Variants in C6orf62 observed in about 807,000 individuals in gnomAD.
C6orf62 encodes uncharacterized protein C6orf62.
A neutral mutation model predicts 26.8 loss-of-function variants in C6orf62; 16 were observed. The observed-to-expected ratio is 0.60, with a 90% CI of 0.40 to 0.91. C6orf62 has a LOEUF of 0.91. C6orf62 is among the 40% of genes least tolerant of loss of function. C6orf62 has a pLI of 0.00. For synonymous variants in C6orf62, 112 were observed against 91.5 expected, an observed-to-expected ratio of 1.22 and a Z score of -1.28; for missense variants, 192 against 271.4, an observed-to-expected ratio of 0.71 and a Z score of 2.06.
At chr6:24,720,273 C>CGGCGGCGGAAGA, upstream of C6orf62, 4 of 1,288,178 alleles carry the variant, frequency 3.1e-6, no homozygotes, top group Non-Finnish European at 3.9e-6. Flanking sequence ...GGAGCGGTGG[C>CGGCGGCGGAAGA]GGCGGCGGAA....
Position 24,705,958 on chromosome 6 carries a change from T to G in C6orf62, c.*179A>C. ...CAGTCCGTGCACGACATCTAATTTT[T>G]GTTTAAGTTCTGAGATAAAAATGAT... On this transcript the variant is annotated 3_prime_UTR_variant, in exon 5 of 5. Coordinates refer to ENST00000378119, the MANE Select transcript of C6orf62 (RefSeq NM_030939.5). 1 of 881,186 alleles carries G rather than the reference T, an allele frequency of 1.1e-6. No individual in the cohort carries two copies. Among genetic ancestry groups the G allele is most frequent in the Non-Finnish European group, 1.6e-6 (1 of 611,214 alleles). 54.6% of individuals were successfully genotyped at this position (881,186 alleles called of 1,614,324 possible). A position where few individuals can be genotyped will look rare whatever the true frequency, so the allele number is the denominator to read the frequency against.
chr6:24,709,743 T>A, intron 3 of C6orf62: 1 of 985,396 alleles, frequency 1.0e-6, no homozygotes, highest in Non-Finnish European at 1.2e-6. Flanking sequence ...ATCAACTCCA[T>A]CCTCCCACAA....
rs9467265 is a variant in C6orf62 at position 24,709,192 on chromosome 6, G to C, written c.430-281C>G. 10,857 of 980,554 alleles carry C rather than the reference G, an allele frequency of 0.011. 597 individuals carry two copies. The African/African-American group carries it at 0.14, about 13-fold the overall frequency. 60.7% of individuals were successfully genotyped at this position (980,554 alleles called of 1,614,324 possible). On this transcript the variant is annotated intron_variant, in intron 3 of 4. Coordinates refer to ENST00000378119, the MANE Select transcript of C6orf62 (RefSeq NM_030939.5). ...ATTAAGAACAATCTCTTGAGATACA[G>C]AACATTTCCTTAATTGTAGAGAATT...
At chr6:24,720,166 G>A, upstream of C6orf62, 1 of 1,358,934 alleles carries the variant, frequency 7.4e-7, no homozygotes, top group Non-Finnish European at 9.4e-7. Flanking sequence ...AGGGCGGGGT[G>A]GGTGACGGGG....
chr6:24,714,916 C>T (rs1779193405), intron 2 of C6orf62, among the ~76,000 whole-genome samples: 1 of 152,142 alleles, frequency 6.6e-6, no homozygotes, highest in Non-Finnish European at 1.5e-5. Flanking sequence ...CTGTGCCTGG[C>T]TCTAATTTTA....
intron 1 of C6orf62, 113 bp downstream of exon 1, chr6:24,718,425 CAG>C: frequency 1.9e-6 from 2 of 1,062,642 alleles, no homozygotes; most frequent in Non-Finnish European, 2.7e-6. Context: ...GCATACAAAG[CAG>C]ACTTTTTTTC....
chr6:24,713,480 A>G (rs1428034198), intron 3 of C6orf62, among the ~76,000 whole-genome samples: 26 of 139,544 alleles, frequency 1.9e-4, no homozygotes, highest in Admixed American at 1.8e-3. Context: ...TAGAAGCAAA[A>G]GTTTTAAATG....
chr6:24,707,543 G>A (rs574296179), intron 4 of C6orf62, among the ~76,000 whole-genome samples: 1 of 151,870 alleles, frequency 6.6e-6, no homozygotes, highest in Non-Finnish European at 1.5e-5. Flanking sequence ...ATTTTTTGTA[G>A]AGATGTCGTC....
chr6:24,720,379 T>C (rs1779332107), upstream of C6orf62: 2 of 1,193,384 alleles, frequency 1.7e-6, no homozygotes, highest in African/African-American at 1.6e-5. Context: ...CCCGCTGCAG[T>C]GCGCACCGTG....
In C6orf62 at chr6:24,705,475, T is replaced by C. The variant is rs1283492724; in HGVS notation, c.*662A>G. ...ATAACTGCATCCACACGCAGCAGAA[T>C]ACTCTTACAATAGCAACTTGGGGAA... On this transcript the variant is annotated 3_prime_UTR_variant, in exon 5 of 5. Coordinates refer to ENST00000378119, the MANE Select transcript of C6orf62 (RefSeq NM_030939.5). The C allele has an allele frequency of 6.6e-6, 1 of 152,590 alleles. No individual in the cohort carries two copies. The highest frequency in any genetic ancestry group is 2.4e-5 in the African/African-American group (1 of 41,428). The allele number at this position is 152,590 out of a possible 1,614,324, so 9.5% of individuals were successfully genotyped here. A position where few individuals can be genotyped will look rare whatever the true frequency, so the allele number is the denominator to read the frequency against.
At chr6:24,709,779 C>T in intron 3 of C6orf62, 1 of 985,434 alleles carries the variant, frequency 1.0e-6, no homozygotes, top group Non-Finnish European at 1.2e-6. Flanking sequence ...TGGTGAGACA[C>T]CAAATGCTAC....
At chr6:24,716,406 A>G (rs975573209) in intron 1 of C6orf62, 82 bp from the exon 2 acceptor site, 12 of 965,418 alleles carry the variant, frequency 1.2e-5, no homozygotes, top group Middle Eastern at 3.0e-4. Flanking sequence ...GTCATGTAAC[A>G]TTAACTCCAC....
chr6:24,710,492 G>T, intron 3 of C6orf62: 2 of 661,058 alleles, frequency 3.0e-6, no homozygotes, highest in Non-Finnish European at 3.7e-6. Flanking sequence ...TCAAACTCCC[G>T]ACCTCAGGTG....
rs115792793 is a variant in C6orf62 at position 24,714,586 on chromosome 6, A to G, written c.307-146T>C. On this transcript the variant is annotated intron_variant, in intron 2 of 4. Transcript: ENST00000378119. ...TCATTTTATATCTTAGGAAGTAAAC[A>G]TAATAGTTTATAATCTGAATAGCTC... 2.7e-4 allele frequency: 146 copies of G among 545,754 alleles called. 1 individual carries two copies. In the East Asian group the frequency reaches 3.9e-3, roughly 15 times the overall value. 33.8% of individuals were successfully genotyped at this position (545,754 alleles called of 1,614,324 possible).
In C6orf62 at chr6:24,705,887, A is replaced by AGATACT; in HGVS notation, c.*244_*249dup. On this transcript the variant is annotated 3_prime_UTR_variant, in exon 5 of 5. Coordinates refer to ENST00000378119, the MANE Select transcript of C6orf62 (RefSeq NM_030939.5). ...GTCCTTTCATTTCACATTTTTAGTA[A>AGATACT]GATACTGATGCAGTGCAGCAAATAT... The AGATACT allele has an allele frequency of 2.8e-6, 1 of 363,188 alleles. No homozygotes were observed. Among genetic ancestry groups the AGATACT allele is most frequent in the Non-Finnish European group, 4.9e-6 (1 of 203,934 alleles). The allele number at this position is 363,188 out of a possible 1,614,324, so 22.5% of individuals were successfully genotyped here.
chr6:24,707,621 G>C (rs1333189898), intron 4 of C6orf62, among the ~76,000 whole-genome samples: 1 of 152,062 alleles, frequency 6.6e-6, no homozygotes, highest in African/African-American at 2.4e-5. Flanking sequence ...AAAATGCTAG[G>C]ATTACAAGTG....
chr6:24,706,083 G>GA lies in C6orf62; in HGVS notation c.*53dup. ...AAAGAATAAAGTGGTAAGAAAACAA[G>GA]AAAAAAAACTGCTGCTGCATTCTCT... On this transcript the variant is annotated 3_prime_UTR_variant, in exon 5 of 5. Transcript: ENST00000378119. The GA allele has an allele frequency of 1.3e-5, 20 of 1,593,296 alleles. No individual in the cohort carries two copies. The highest frequency in any genetic ancestry group is 3.5e-5 in the Admixed American group (2 of 57,752).
intron 4 of C6orf62, chr6:24,707,055 ACTAT>A (rs953784181): frequency 3.9e-5 from 6 of 152,214 alleles, no homozygotes; most frequent in African/African-American, 7.2e-5. Context: ...TCTTTTCTTC[ACTAT>A]CTAGCACCTC....
At chr6:24,713,047 C>T (rs1321305351) in intron 3 of C6orf62, among the ~76,000 whole-genome samples, 2 of 152,090 alleles carry the variant, frequency 1.3e-5, no homozygotes, top group African/African-American at 2.4e-5. Context: ...ATTAAATGAC[C>T]GAAATACAGA....
Sources: gnomAD v4.1 joint callset for allele counts (sites outside exome capture counted in the v4.1 genomes callset) on GRCh38, gnomAD v4.1.1 for gene constraint, MANE v1.5 for transcripts, NCBI Gene and HGNC (gene_info 2026-07-23, HGNC 2026-07-21) for gene names.